NINJ1: variants seen among roughly 807,000 people sequenced by gnomAD.
The protein encoded by NINJ1 is ninjurin-1.
In NINJ1, 6 loss-of-function variants were observed where a neutral mutation model predicts 12.7. The observed-to-expected ratio is 0.47, with a 90% CI of 0.26 to 0.93. The LOEUF is 0.93. Ranked by LOEUF, NINJ1 falls within the 40% of genes least tolerant of loss-of-function variation. NINJ1 has a pLI of 0.15. For missense variants in NINJ1, 170 were observed against 213.0 expected (o/e 0.80, Z 1.26); for synonymous variants, 100 against 96.0 (o/e 1.04, Z -0.25).
chr9:93,133,093 C>T (rs1468059589), intron 1 of NINJ1, among the ~76,000 whole-genome samples: 1 of 152,206 alleles, frequency 6.6e-6, no homozygotes, highest in Non-Finnish European at 1.5e-5. Context: ...AGGGCCAGGT[C>T]GCTGGGGTCC....
intron 1 of NINJ1, among the ~76,000 whole-genome samples, chr9:93,127,943 T>C (rs1311399558): frequency 6.6e-6 from 1 of 152,242 alleles, no homozygotes; most frequent in African/African-American, 2.4e-5. Context: ...AGGCAGCCAA[T>C]ACAGAACCAG....
chr9:93,124,856 C>G, intron 3 of NINJ1, 43 bp downstream of exon 3: 2 of 1,545,324 alleles, frequency 1.3e-6, no homozygotes, highest in African/African-American at 1.4e-5. Context: ...CAACAGCGAG[C>G]AACCCCAGGA....
At chr9:93,122,789 A>T (rs772021890) in intron 3 of NINJ1, among the ~76,000 whole-genome samples, 1 of 152,200 alleles carries the variant, frequency 6.6e-6, no homozygotes, top group Non-Finnish European at 1.5e-5. Context: ...GCCTCTGAGG[A>T]CAGCTTTAAG....
chr9:93,127,386 T>C (rs1827829226), intron 1 of NINJ1, among the ~76,000 whole-genome samples: 1 of 152,180 alleles, frequency 6.6e-6, no homozygotes, highest in South Asian at 2.1e-4. Context: ...GGGGCCTATC[T>C]GGTCAGGGCC....
chr9:93,130,810 A>G (rs1564220650), intron 1 of NINJ1, among the ~76,000 whole-genome samples: 1 of 152,206 alleles, frequency 6.6e-6, no homozygotes, highest in Non-Finnish European at 1.5e-5. Flanking sequence ...TCACACAGCA[A>G]AGAAAGGACA....
rs531058733 is a variant in NINJ1 at position 93,121,625 on chromosome 9, C to G, written c.*615G>C. On this transcript the variant is annotated 3_prime_UTR_variant, in exon 4 of 4. Transcript: ENST00000375446. ...GCAGGGTATATACAAGGTCTACGGC[C>G]CTCACAGGCCTGACTGGCTCCCTCT... 29 of 152,458 alleles carry G rather than the reference C, an allele frequency of 1.9e-4. No homozygotes were observed. The highest frequency in any genetic ancestry group is 6.5e-4 in the African/African-American group (27 of 41,590). The allele number at this position is 152,458 out of a possible 1,614,324, so 9.4% of individuals were successfully genotyped here.
intron 1 of NINJ1, among the ~76,000 whole-genome samples, chr9:93,133,838 G>T (rs1222479788): frequency 2.0e-5 from 3 of 152,164 alleles, no homozygotes; most frequent in Non-Finnish European, 4.4e-5. Flanking sequence ...GCAGTCCTTA[G>T]CCCGAGGAGC....
chr9:93,126,338 C>T, intron 2 of NINJ1, 72 bp downstream of exon 2: 1 of 1,357,162 alleles, frequency 7.4e-7, no homozygotes, highest in South Asian at 1.3e-5. Context: ...TGGTGGGCAC[C>T]TGTCCCAGGC....
chr9:93,124,809 C>T, intron 3 of NINJ1, 90 bp downstream of exon 3: 1 of 1,412,642 alleles, frequency 7.1e-7, no homozygotes, highest in Non-Finnish European at 9.5e-7. Flanking sequence ...GTGTCCAAGG[C>T]TGGCCGGCCA....
intron 1 of NINJ1, 113 bp downstream of exon 1, chr9:93,134,030 G>T: frequency 1.4e-6 from 1 of 736,258 alleles, no homozygotes; most frequent in Non-Finnish European, 2.0e-6. Flanking sequence ...AGAGCGGGAC[G>T]TCCCCCAACA....
intron 1 of NINJ1, among the ~76,000 whole-genome samples, chr9:93,128,872 GCACA>G (rs1214799307): frequency 6.6e-6 from 1 of 152,130 alleles, no homozygotes; most frequent in Non-Finnish European, 1.5e-5. Flanking sequence ...CACACAATAC[GCACA>G]CACAAATACA....
Position 93,122,194 on chromosome 9 carries a change from G to C in NINJ1, c.*46C>G, listed in dbSNP as rs542190775. ...CACAGGTATGGCGACTCCTGGGGTC[G>C]GGCAGCTGAGTTGCAGGGCAGGCAA... On this transcript the variant is annotated 3_prime_UTR_variant, in exon 4 of 4. Transcript: ENST00000375446. 7 of 153,318 alleles carry C rather than the reference G, an allele frequency of 4.6e-5. No individual in the cohort carries two copies. In the East Asian group the frequency reaches 1.3e-3, roughly 29 times the overall value. 9.5% of individuals were successfully genotyped at this position (153,318 alleles called of 1,614,324 possible).
Position 93,134,222 on chromosome 9 carries a change from C to A in NINJ1, c.-5G>T. 6.8e-7 allele frequency: 1 copy of A among 1,478,310 alleles called. No homozygotes were observed. Among genetic ancestry groups the A allele is most frequent in the Admixed American group, 2.2e-5 (1 of 46,456 alleles). The allele number at this position is 1,478,310 out of a possible 1,614,324, so 91.6% of individuals were successfully genotyped here. A position where few individuals can be genotyped will look rare whatever the true frequency, so the allele number is the denominator to read the frequency against. ...CTCCTCGGTTCCCGAGTCCATGGTG[C>A]GGCCGCCCAGGCCGCCAGGATCCGG... On this transcript the variant is annotated 5_prime_UTR_variant, in exon 1 of 4. Coordinates refer to ENST00000375446, the MANE Select transcript of NINJ1 (RefSeq NM_004148.4).
At chr9:93,127,253 C>T (rs1219341877) in intron 1 of NINJ1, among the ~76,000 whole-genome samples, 1 of 152,224 alleles carries the variant, frequency 6.6e-6, no homozygotes, top group Non-Finnish European at 1.5e-5. Context: ...AGAGCCCGGC[C>T]CCGACACAGC....
At chr9:93,128,757 C>T (rs562308902) in intron 1 of NINJ1, among the ~76,000 whole-genome samples, 1 of 152,350 alleles carries the variant, frequency 6.6e-6, no homozygotes, top group Admixed American at 6.5e-5. Context: ...TGAGGATTTC[C>T]ACCTTCTGGG....
chr9:93,129,980 G>A (rs1010318250), intron 1 of NINJ1, among the ~76,000 whole-genome samples: 14 of 152,188 alleles, frequency 9.2e-5, no homozygotes, highest in Non-Finnish European at 1.5e-4. Flanking sequence ...GAGGGTGGCC[G>A]GGGGACCCAG....
intron 1 of NINJ1, among the ~76,000 whole-genome samples, chr9:93,128,509 G>A (rs1827845237): frequency 6.6e-6 from 1 of 152,234 alleles, no homozygotes; most frequent in South Asian, 2.1e-4. Flanking sequence ...AAGGGCCTGT[G>A]CCTGGCACTG....
chr9:93,126,054 G>A (rs1379797069), intron 2 of NINJ1: 6 of 261,102 alleles, frequency 2.3e-5, no homozygotes, highest in East Asian at 8.7e-5. Flanking sequence ...AAAATTAGCC[G>A]GGCATGGTGA....
intron 2 of NINJ1, 50 bp from the exon 3 acceptor site, chr9:93,125,112 G>A (rs778033644): frequency 1.0e-5 from 16 of 1,560,702 alleles, no homozygotes; most frequent in Admixed American, 3.6e-5. Flanking sequence ...CAGACGCAGC[G>A]CCCCAGCCTG....
Sources: allele counts gnomAD v4.1 joint callset (sites outside exome capture counted in the v4.1 genomes callset), GRCh38; gene constraint gnomAD v4.1.1; transcripts MANE v1.5; gene names NCBI Gene and HGNC (gene_info 2026-07-23, HGNC 2026-07-21).